The following RBFOX1 variants were observed in gnomAD, a reference collection of about 807,000 sequenced individuals.
RBFOX1 encodes the protein RNA binding protein fox-1 homolog 1.
Under a neutral mutation model 57.7 loss-of-function variants are expected in RBFOX1, and 8 were observed. The observed-to-expected ratio is 0.14, with a 90% confidence interval of 0.08 to 0.25. The LOEUF (loss-of-function observed/expected upper bound fraction) is 0.25, where lower values mean the gene tolerates loss of function less well. Ranked by LOEUF, RBFOX1 falls within the 10% of genes least tolerant of loss-of-function variation. RBFOX1 has a pLI of 1.00. For synonymous variants in RBFOX1, 326 were observed against 222.4 expected, an observed-to-expected ratio of 1.47 and a Z score of -4.15; for missense variants, 611 against 548.5, an observed-to-expected ratio of 1.11 and a Z score of -1.14.
intron 3 of RBFOX1, among the ~76,000 whole-genome samples, chr16:5,716,545 G>A (rs2051707018): frequency 6.6e-6 from 1 of 152,208 alleles, no homozygotes; most frequent in Non-Finnish European, 1.5e-5. Context: ...TTATTAATAA[G>A]TCAAACAATA....
chr16:6,077,537 T>C (rs1230003800), intron 1 of RBFOX1, among the ~76,000 whole-genome samples: 1 of 152,128 alleles, frequency 6.6e-6, no homozygotes, highest in Non-Finnish European at 1.5e-5. Context: ...GCCTCCTTCC[T>C]TTAAGATGAT....
At chr16:5,741,355 T>C (rs1406162652) in intron 3 of RBFOX1, among the ~76,000 whole-genome samples, 1 of 152,160 alleles carries the variant, frequency 6.6e-6, no homozygotes, top group Non-Finnish European at 1.5e-5. Flanking sequence ...TATCATCATC[T>C]CCATCTTCTT....
intron 3 of RBFOX1, among the ~76,000 whole-genome samples, chr16:6,841,311 GT>G (rs1406058313): frequency 5.3e-5 from 8 of 152,296 alleles, no homozygotes; most frequent in Non-Finnish European, 8.8e-5. Context: ...TTGTTTACAT[GT>G]TTGTGGTTTT....
intron 2 of RBFOX1, among the ~76,000 whole-genome samples, chr16:6,500,087 G>T (rs1475294474): frequency 6.6e-6 from 1 of 151,954 alleles, no homozygotes; most frequent in African/African-American, 2.4e-5. Flanking sequence ...ATTTCCTTTG[G>T]TTAAAAAACA....
At chr16:5,412,008 A>G (rs2067034592) in intron 1 of RBFOX1, among the ~76,000 whole-genome samples, 2 of 152,170 alleles carry the variant, frequency 1.3e-5, no homozygotes, top group African/African-American at 2.4e-5. Flanking sequence ...TAGATCGGTT[A>G]GTTATGAGAG....
At chr16:5,780,234 C>G (rs1255585679) in intron 3 of RBFOX1, among the ~76,000 whole-genome samples, 1 of 152,346 alleles carries the variant, frequency 6.6e-6, no homozygotes, top group South Asian at 2.1e-4. Context: ...AAATCCTGAA[C>G]CTTGTGATCC....
chr16:5,320,547 A>G (rs2151247332), intron 1 of RBFOX1, among the ~76,000 whole-genome samples: 1 of 152,330 alleles, frequency 6.6e-6, no homozygotes, highest in Non-Finnish European at 1.5e-5. Flanking sequence ...AGTCTCACAG[A>G]CACAGAGCTG....
intron 3 of RBFOX1, among the ~76,000 whole-genome samples, chr16:6,748,175 T>A (rs1346048411): frequency 1.3e-5 from 2 of 152,134 alleles, no homozygotes; most frequent in Non-Finnish European, 2.9e-5. Flanking sequence ...CGTTAGGCAA[T>A]AAATGCATAT....
rs1287983097 is a variant in RBFOX1 at position 6,654,669 on chromosome 16, T to C, written c.-16+19T>C. 5.3e-6 allele frequency: 8 copies of C among 1,499,790 alleles called. No homozygotes were observed. The Admixed American group carries it at 1.9e-4, about 36-fold the overall frequency. 92.9% of individuals were successfully genotyped at this position (1,499,790 alleles called of 1,614,324 possible). A position where few individuals can be genotyped will look rare whatever the true frequency, so the allele number is the denominator to read the frequency against. On this transcript the variant is annotated intron_variant, in intron 3 of 15. Coordinates refer to ENST00000550418, the MANE Select transcript of RBFOX1 (RefSeq NM_018723.4). ...CAGAAAGGTGAGTCAATATTTTTCA[T>C]TTTTAGGGTTGCAAACAAAACAAGA...
At chr16:6,654,157 AATGGATGG>A (rs202138988) in intron 2 of RBFOX1, among the ~76,000 whole-genome samples, 2,364 of 151,412 alleles carry the variant, frequency 0.016, 65 homozygotes, top group African/African-American at 0.053. Context: ...AGAGGAGATG[AATGGATGG>A]ATGGTTGGAT....
intron 4 of RBFOX1, among the ~76,000 whole-genome samples, chr16:7,411,691 G>C (rs1239426175): frequency 6.6e-6 from 1 of 152,012 alleles, no homozygotes; most frequent in Admixed American, 6.5e-5. Context: ...ATCACCTGAG[G>C]TTGGGAGTTT....
At chr16:7,607,400 A>G (rs551212925) in intron 10 of RBFOX1, 62 bp downstream of exon 10, 1 of 1,442,316 alleles carries the variant, frequency 6.9e-7, no homozygotes, top group South Asian at 1.2e-5. Flanking sequence ...TTGCCTGCCA[A>G]GAATGAATGA....
chr16:5,485,921 T>C (rs536400292), intron 2 of RBFOX1, among the ~76,000 whole-genome samples: 1 of 152,270 alleles, frequency 6.6e-6, no homozygotes, highest in East Asian at 1.9e-4. Flanking sequence ...ATCTGCAAAA[T>C]GGAGATGATA....
intron 3 of RBFOX1, among the ~76,000 whole-genome samples, chr16:6,816,454 C>T (rs1487738777): frequency 6.9e-6 from 1 of 145,280 alleles, no homozygotes; most frequent in Non-Finnish European, 1.5e-5. Context: ...GAAACAGGGT[C>T]TTGTTGGCCG....
At chr16:7,347,451 C>G (rs555589674) in intron 4 of RBFOX1, among the ~76,000 whole-genome samples, 1 of 152,202 alleles carries the variant, frequency 6.6e-6, no homozygotes, top group South Asian at 2.1e-4. Context: ...ACAGGAAAGA[C>G]CCGCCCCCCA....
intron 2 of RBFOX1, among the ~76,000 whole-genome samples, chr16:6,322,254 G>T (rs1452263173): frequency 6.6e-6 from 1 of 152,136 alleles, no homozygotes; most frequent in Non-Finnish European, 1.5e-5. Flanking sequence ...CAGATTGCAG[G>T]ACTAATATTC....
At chr16:5,502,749 G>A (rs2043243128) in intron 2 of RBFOX1, among the ~76,000 whole-genome samples, 1 of 152,172 alleles carries the variant, frequency 6.6e-6, no homozygotes, top group South Asian at 2.1e-4. Context: ...AGAGTCTGCA[G>A]TGCACCAGAG....
chr16:7,074,966 C>T (rs769446512), intron 4 of RBFOX1, among the ~76,000 whole-genome samples: 1 of 151,854 alleles, frequency 6.6e-6, no homozygotes, highest in African/African-American at 2.4e-5. Flanking sequence ...TAGGGGAGCT[C>T]ATTGAGAGTA....
At chr16:7,545,547 A>G (rs1379431443) in intron 5 of RBFOX1, among the ~76,000 whole-genome samples, 1 of 151,996 alleles carries the variant, frequency 6.6e-6, no homozygotes, top group Non-Finnish European at 1.5e-5. Context: ...GGACTGTGCT[A>G]TTTCTTAGAG....
Sources: gnomAD v4.1 joint callset for allele counts (sites outside exome capture counted in the v4.1 genomes callset) on GRCh38, gnomAD v4.1.1 for gene constraint, MANE v1.5 for transcripts, NCBI Gene and HGNC (gene_info 2026-07-23, HGNC 2026-07-21) for gene names.